The following ANKRD17 variants were observed in gnomAD, a reference collection of about 807,000 sequenced individuals.
ANKRD17 encodes the protein ankyrin repeat domain 17.
Under a neutral mutation model 229.7 loss-of-function variants are expected in ANKRD17, and 19 were observed. That is an observed-to-expected ratio of 0.08 (90% CI 0.06 to 0.12). ANKRD17 has a LOEUF of 0.12. Among genes scored for constraint, ANKRD17 ranks in the 10% least tolerant of loss-of-function variants. The pLI is 1.00. For synonymous variants in ANKRD17, 1,112 were observed against 1,146.1 expected (o/e 0.97, Z 0.60); for missense variants, 2,176 against 3,176.8 (o/e 0.68, Z 7.57).
chr4:73,258,686 G>T lies in ANKRD17; in HGVS notation c.-18C>A. On this transcript the variant is annotated 5_prime_UTR_variant, in exon 1 of 34. Transcript: ENST00000358602. ...TTCTCCATCCCCAGGGAAAGAGGGAGGGCGCGGACGGGGGAGGGGCGTGGG... is the reference window on the plus strand; with the variant it reads ...TTCTCCATCCCCAGGGAAAGAGGGATGGCGCGGACGGGGGAGGGGCGTGGG... The T allele has an allele frequency of 6.9e-7, 1 of 1,447,446 alleles. No homozygotes were observed. The highest frequency in any genetic ancestry group is 1.4e-5 in the South Asian group (1 of 71,572). The allele number at this position is 1,447,446 out of a possible 1,614,324, so 89.7% of individuals were successfully genotyped here. A position where few individuals can be genotyped will look rare whatever the true frequency, so the allele number is the denominator to read the frequency against.
In ANKRD17 at chr4:73,174,793, A is replaced by C. The variant is rs115234798; in HGVS notation, c.547+2587T>G. On this transcript the variant is annotated intron_variant, in intron 2 of 33. Coordinates refer to ENST00000358602, the MANE Select transcript of ANKRD17 (RefSeq NM_032217.5). ...TATGCCAAGAACTAACAATCTGAAA[A>C]ACAAATCAAGAAACTAATGCCATTT... 6.1e-3 allele frequency among the ~76,000 whole-genome samples: 934 copies of C among 152,332 alleles called. 11 individuals carry two copies. Among genetic ancestry groups the C allele is most frequent in the African/African-American group, 0.019 (777 of 41,568 alleles).
At chr4:73,120,647 GTC>G (rs769947410) in intron 20 of ANKRD17, among the ~76,000 whole-genome samples, 2 of 151,242 alleles carry the variant, frequency 1.3e-5, no homozygotes, top group Admixed American at 6.6e-5. Context: ...TTTCAAAATA[GTC>G]TCTCTTTTTC....
At chr4:73,160,991 C>T (rs953840665) in intron 3 of ANKRD17, among the ~76,000 whole-genome samples, 2 of 152,204 alleles carry the variant, frequency 1.3e-5, no homozygotes, top group African/African-American at 4.8e-5. Flanking sequence ...ACTCATCTCT[C>T]TTTAACTTTT....
In ANKRD17 at chr4:73,155,793, A is replaced by G. The variant is rs750724843; in HGVS notation, c.853-15T>C. On this transcript the variant is annotated splice_polypyrimidine_tract_variant and intron_variant, in intron 4 of 33. Coordinates refer to ENST00000358602, the MANE Select transcript of ANKRD17 (RefSeq NM_032217.5). ...GCCAACAAAACCTTATGAGAGAAAA[A>G]TAGTTTAAAAAGATATTAGGAAATA... is the stretch of plus-strand genomic sequence containing the variant. The G allele has an allele frequency of 6.2e-7, 1 of 1,611,944 alleles. No individual in the cohort carries two copies. The highest frequency in any genetic ancestry group is 1.1e-5 in the South Asian group (1 of 90,884).
intron 1 of ANKRD17, among the ~76,000 whole-genome samples, chr4:73,222,273 G>A (rs149875041): frequency 1.3e-5 from 2 of 152,174 alleles, no homozygotes; most frequent in East Asian, 1.9e-4. Context: ...ACTTTGACAT[G>A]TATTTCCTTG....
chr4:73,196,529 C>T (rs1418668460), intron 1 of ANKRD17, among the ~76,000 whole-genome samples: 1 of 152,082 alleles, frequency 6.6e-6, no homozygotes, highest in Non-Finnish European at 1.5e-5. Flanking sequence ...TGTTTATATA[C>T]ATATATACGT....
Position 73,229,639 on chromosome 4 carries a change from C to CTA in ANKRD17, c.393+28635_393+28636dup, listed in dbSNP as rs571222882. On this transcript the variant is annotated intron_variant, in intron 1 of 33. Coordinates refer to ENST00000358602, the MANE Select transcript of ANKRD17 (RefSeq NM_032217.5). Reference sequence around the variant, plus strand: ...AAAAAACCCAACCACAATGCAGAGTCTATATATATATATACAGCTGATATA... The same window carrying CTA: ...AAAAAACCCAACCACAATGCAGAGTCTATATATATATATATACAGCTGATATA... Among the ~76,000 whole-genome samples, 351 of 148,420 alleles carry CTA rather than the reference C, an allele frequency of 2.4e-3. 3 individuals carry two copies. The highest frequency in any genetic ancestry group is 0.022 in the East Asian group (114 of 5,090).
chr4:73,204,707 A>G (rs1363164313), intron 1 of ANKRD17, among the ~76,000 whole-genome samples: 1 of 152,178 alleles, frequency 6.6e-6, no homozygotes, highest in Non-Finnish European at 1.5e-5. Context: ...GAAATAAGAT[A>G]CATGACAATA....
chr4:73,258,284 C>A lies in ANKRD17; in HGVS notation c.385G>T (p.Val129Phe). ...EEDDDDEEEE[V>F]SEVESFILDQ... ...TGAAACCAGGCCCTTGCCTCAGAAA[C>A]CTCCTCTTCCTCGTCGTCGTCGTCC... The change falls in exon 1 of 34, where the codon GTT becomes TTT. Residue 129 changes from valine (V) to phenylalanine (F), a missense_variant. Around this residue, in one of 18 missense-constraint regions of ANKRD17, gnomAD observed 184 missense variants for 357.8 expected, o/e 0.51. Coordinates refer to ENST00000358602, the MANE Select transcript of ANKRD17 (RefSeq NM_032217.5). 1 of 1,613,864 alleles carries A rather than the reference C, an allele frequency of 6.2e-7. No homozygotes were observed. Among genetic ancestry groups the A allele is most frequent in the Non-Finnish European group, 8.5e-7 (1 of 1,180,022 alleles).
chr4:73,244,093 T>C (rs979665480), intron 1 of ANKRD17, among the ~76,000 whole-genome samples: 2 of 152,146 alleles, frequency 1.3e-5, no homozygotes, highest in Non-Finnish European at 2.9e-5. Context: ...TCTGTGGGCA[T>C]GTATCTCCGG....
rs554045357 is a variant in ANKRD17 at position 73,078,521 on chromosome 4, A to G, written c.7408+121T>C. 33 of 1,222,140 alleles carry G rather than the reference A, an allele frequency of 2.7e-5. No individual in the cohort carries two copies. In the African/African-American group the frequency reaches 4.5e-4, roughly 17 times the overall value. 75.7% of individuals were successfully genotyped at this position (1,222,140 alleles called of 1,614,324 possible). ...CCATTGCACTCCAGCCTGAGCAACA[A>G]GTGAAACTCCATCTCAAAAAAAGAA... On this transcript the variant is annotated intron_variant, in intron 31 of 33. Transcript: ENST00000358602.
At chr4:73,167,288 G>C (rs1049710209) in intron 2 of ANKRD17, among the ~76,000 whole-genome samples, 2 of 152,154 alleles carry the variant, frequency 1.3e-5, no homozygotes, top group African/African-American at 4.8e-5. Context: ...TGAGGGAGAG[G>C]AAAAGTGAAA....
At position 73,113,014 on chromosome 4, in the gene ANKRD17, C is replaced by T. The variant is rs954798439; in HGVS notation, c.4401+778G>A. The stretch of plus-strand genomic sequence containing the variant: ...TGTTGGCCAGGCTGGTCTCAAGCTC[C>T]TGACCTCAGGTGATGTGCCCGCCTC... On this transcript the variant is annotated intron_variant, in intron 24 of 33. Transcript: ENST00000358602. The T allele has an allele frequency of 4.4e-6, 4 of 914,950 alleles. No homozygotes were observed. The African/African-American group carries it at 5.4e-5, about 12-fold the overall frequency. 56.7% of individuals were successfully genotyped at this position (914,950 alleles called of 1,614,324 possible).
intron 1 of ANKRD17, among the ~76,000 whole-genome samples, chr4:73,213,142 T>C (rs1016070867): frequency 6.6e-6 from 1 of 152,136 alleles, no homozygotes; most frequent in South Asian, 2.1e-4. Flanking sequence ...AACTTAAGCA[T>C]GTCACACAAA....
rs1745694829 is a variant in ANKRD17, at chr4:73,258,508, A to G, written c.161T>C (p.Met54Thr). 2 of 1,554,178 alleles carry G rather than the reference A, an allele frequency of 1.3e-6. No individual in the cohort carries two copies. The highest frequency in any genetic ancestry group is 2.7e-5 in the African/African-American group (2 of 73,244). Residue 54 changes from methionine (M) to threonine (T), a missense_variant, in exon 1 of 34, where the codon ATG becomes ACG. Physicochemically the swap from Met to Thr is moderately conservative, Grantham distance 81 (BLOSUM62 -1). Transcript: ENST00000358602. ...CAGGAGCAGGTCGCAGACTCGCACC[A>G]TCCCACGAGGAGACGAGGCCGAGCG... ...RARSASSPRGMVRVCDLLLKK... is the reference protein window; with the variant it reads ...RARSASSPRGTVRVCDLLLKK...
rs1724122944 is a variant in ANKRD17 at position 73,102,413 on chromosome 4, G to T, written c.4536C>A (p.Leu1512=). Residue 1512 remains leucine, a synonymous_variant, in exon 25 of 34, where the codon CTC becomes CTA. Coordinates refer to ENST00000358602, the MANE Select transcript of ANKRD17 (RefSeq NM_032217.5). The stretch of plus-strand genomic sequence containing the variant: ...GCTTTTCTTTTTCTTGAGCAGCTTG[G>T]AGTTCAAAGTTCTCTTTATTTTTGG... The part of the protein sequence containing the change: ...IEAKNKENFE[L]QAAQEKEKLK... 1 of 1,598,890 alleles carries T rather than the reference G, an allele frequency of 6.3e-7. No individual in the cohort carries two copies. The highest frequency in any genetic ancestry group is 1.4e-5 in the African/African-American group (1 of 73,540).
intron 24 of ANKRD17, among the ~76,000 whole-genome samples, chr4:73,108,391 G>A (rs570848398): frequency 2.6e-5 from 4 of 152,270 alleles, no homozygotes; most frequent in Admixed American, 1.3e-4. Context: ...ATCAACTGGT[G>A]TACATTTAAA....
intron 1 of ANKRD17, among the ~76,000 whole-genome samples, chr4:73,199,343 C>A (rs1288800047): frequency 3.3e-5 from 5 of 151,738 alleles, no homozygotes; most frequent in African/African-American, 1.2e-4. Context: ...AAGAGAAAGG[C>A]GAGATGCCAA....
At chr4:73,105,301 T>A (rs1724481484) in intron 24 of ANKRD17, among the ~76,000 whole-genome samples, 1 of 151,774 alleles carries the variant, frequency 6.6e-6, no homozygotes, top group Non-Finnish European at 1.5e-5. Context: ...AGGAAAAAGG[T>A]GTAACTGTGT....
Sources: gnomAD v4.1 joint callset for allele counts (sites outside exome capture counted in the v4.1 genomes callset) on GRCh38, gnomAD v4.1.1 for gene constraint, gnomAD v4.1.1 regional missense constraint, MANE v1.5 for transcripts, NCBI Gene and HGNC (gene_info 2026-07-23, HGNC 2026-07-21) for gene names.